Variants in SPTBN5 observed in about 807,000 individuals in gnomAD.
SPTBN5 encodes spectrin beta chain, non-erythrocytic 5.
A neutral mutation model predicts 477.6 loss-of-function variants in SPTBN5; 513 were observed. That is an observed-to-expected ratio of 1.07 (90% CI 1.00 to 1.16). The LOEUF (loss-of-function observed/expected upper bound fraction) is 1.16. Among genes scored for constraint, SPTBN5 ranks in the 50% most tolerant of loss-of-function variants. The probability of loss-of-function intolerance (pLI) is 0.00; values close to 1 mark genes in which losing one functional copy is unlikely to be tolerated. For synonymous variants in SPTBN5, 2,169 were observed against 2,011.7 expected, an observed-to-expected ratio of 1.08 and a Z score of -2.09; for missense variants, 5,062 against 4,731.8, an observed-to-expected ratio of 1.07 and a Z score of -2.05.
In SPTBN5 at chr15:41,893,128, G is replaced by A. The variant is rs776766327; in HGVS notation, c.217-67C>T. 1.5e-5 allele frequency: 23 copies of A among 1,581,426 alleles called. No individual in the cohort carries two copies. The Admixed American group carries it at 4.0e-4, about 28-fold the overall frequency. The stretch of plus-strand genomic sequence containing the variant: ...CACCTGTCCTCCCATCCTGGGACCT[G>A]AGAGGTACGACCCAGAGCAGCTGCT... On this transcript the variant is annotated intron_variant, in intron 2 of 67. Coordinates refer to ENST00000320955, the MANE Select transcript of SPTBN5 (RefSeq NM_016642.4).
intron 7 of SPTBN5, among the ~76,000 whole-genome samples, chr15:41,884,222 G>A (rs564674446): frequency 1.6e-4 from 25 of 151,998 alleles, no homozygotes; most frequent in Admixed American, 9.8e-4. Flanking sequence ...TCTTGACCTC[G>A]TGATCTGCCC....
chr15:41,885,756 C>A lies in SPTBN5; in HGVS notation c.1499G>T (p.Ser500Ile). The change falls in exon 7 of 68, where the codon AGC becomes ATC. Residue 500 changes from serine (S) to isoleucine (I), a missense_variant. Ser to Ile is a moderately radical substitution (Grantham distance 142, BLOSUM62 -2). Transcript: ENST00000320955. ...ADILRQEQYH[S>I]WADVARRQEE... ...TCACCTGCGGGCCACATCTGCCCAG[C>A]TGTGGTACTGCTCCTGCCGGAGGAT... 6.4e-7 allele frequency: 1 copy of A among 1,557,268 alleles called. No individual in the cohort carries two copies.
chr15:41,869,762 G>T, intron 32 of SPTBN5, 79 bp downstream of exon 32: 1 of 1,330,346 alleles, frequency 7.5e-7, no homozygotes, highest in South Asian at 1.8e-5. Context: ...GAGCTGGAGG[G>T]CCTCATGCGT....
rs561189034 is a variant in SPTBN5 at position 41,882,563 on chromosome 15, G to A, written c.2046+22C>T. On this transcript the variant is annotated intron_variant, in intron 10 of 67. Transcript: ENST00000320955. ...AAGGGCAAGGCGCTGGCGACCGGCGGGCGCGCTCGGGGAGCTGACACCTTG... is the reference window on the plus strand; with the variant it reads ...AAGGGCAAGGCGCTGGCGACCGGCGAGCGCGCTCGGGGAGCTGACACCTTG... 55 of 1,587,652 alleles carry A rather than the reference G, an allele frequency of 3.5e-5. No individual in the cohort carries two copies. In the South Asian group the frequency reaches 5.7e-4, roughly 16 times the overall value.
rs2066207683 is a variant in SPTBN5 at position 41,863,898 on chromosome 15, C to T, written c.7034+11G>A. 1 of 1,613,624 alleles carries T rather than the reference C, an allele frequency of 6.2e-7. No individual in the cohort carries two copies. Among genetic ancestry groups the T allele is most frequent in the East Asian group, 2.2e-5 (1 of 44,890 alleles). ...TCCCGGCCCTTTGGTTCTCCCCAGC[C>T]TGGGACTGGCCTGTTGTTGAGCTGG... is the stretch of plus-strand genomic sequence containing the variant. On this transcript the variant is annotated intron_variant, in intron 40 of 67. Coordinates refer to ENST00000320955, the MANE Select transcript of SPTBN5 (RefSeq NM_016642.4).
chr15:41,874,224 G>T, intron 24 of SPTBN5, 68 bp downstream of exon 24: 1 of 1,546,612 alleles, frequency 6.5e-7, no homozygotes, highest in Non-Finnish European at 8.8e-7. Context: ...CACCTGAGTA[G>T]GGGCAGAGGG....
At chr15:41,891,119 TC>T (rs1941575574) in intron 3 of SPTBN5, among the ~76,000 whole-genome samples, 1 of 152,210 alleles carries the variant, frequency 6.6e-6, no homozygotes, top group South Asian at 2.1e-4. Flanking sequence ...GGACTATTTC[TC>T]CCACCCAAAT....
rs150009978 is a variant in SPTBN5 at position 41,860,143 on chromosome 15, G to A, written c.7988+443C>T. On this transcript the variant is annotated intron_variant, in intron 47 of 67. Coordinates refer to ENST00000320955, the MANE Select transcript of SPTBN5 (RefSeq NM_016642.4). ...CCTGTGGGGCCAGCACAGTGCTTTC[G>A]TCCTCATCACAGCCGTTAAAGCCCA... Among the ~76,000 whole-genome samples the A allele has an allele frequency of 3.9e-3, 600 of 152,272 alleles. 4 individuals are homozygous for A. The highest frequency in any genetic ancestry group is 0.013 in the African/African-American group (560 of 41,552).
Position 41,863,993 on chromosome 15 carries a change from A to G in SPTBN5, c.6950T>C (p.Ile2317Thr). 1 of 1,613,580 alleles carries G rather than the reference A, an allele frequency of 6.2e-7. No individual in the cohort carries two copies. Among genetic ancestry groups the G allele is most frequent in the East Asian group, 2.2e-5 (1 of 44,882 alleles). Residue 2317 changes from isoleucine to threonine, a missense_variant, in exon 40 of 68, where the codon ATC (isoleucine) becomes ACC (threonine). Coordinates refer to ENST00000320955, the MANE Select transcript of SPTBN5 (RefSeq NM_016642.4). ...DTVGDACIRS[I>T]SDLSLQLKNR... is the part of the protein sequence containing the mutation. ...CTTGAGCTGCAGTGACAAGTCACTG[A>G]TGCTCCTGATGCAGGCATCACCCAC...
In SPTBN5 at chr15:41,876,645, A is replaced by G; in HGVS notation, c.3854T>C (p.Val1285Ala). ...VQSQHPAAHT[V>A]REQLQSIQAQ... is the part of the protein sequence containing the mutation. Reference sequence around the variant, plus strand: ...CTGGATACTCTGCAGCTGCTCTCTGACCCTGGAGGGCGGGGGGGGGTTGGA... The same window carrying G: ...CTGGATACTCTGCAGCTGCTCTCTGGCCCTGGAGGGCGGGGGGGGGTTGGA... The change falls in exon 20 of 68, where the codon GTC (valine) becomes GCC (alanine). Residue 1285 changes from valine (V) to alanine (A), a missense_variant and splice_region_variant. Val to Ala is a moderately conservative substitution (Grantham distance 64, BLOSUM62 0). Coordinates refer to ENST00000320955, the MANE Select transcript of SPTBN5 (RefSeq NM_016642.4). 1.6e-6 allele frequency: 1 copy of G among 626,992 alleles called. No homozygotes were observed. Among genetic ancestry groups the G allele is most frequent in the South Asian group, 1.5e-5 (1 of 68,714 alleles). The allele number at this position is 626,992 out of a possible 1,614,324, so 38.8% of individuals were successfully genotyped here. A position where few individuals can be genotyped will look rare whatever the true frequency, so the allele number is the denominator to read the frequency against.
intron 3 of SPTBN5, among the ~76,000 whole-genome samples, chr15:41,892,111 C>T (rs1194647385): frequency 4.6e-5 from 7 of 152,198 alleles, no homozygotes; most frequent in African/African-American, 1.4e-4. Context: ...CTTCTCCCCT[C>T]CCTGGCTTTC....
At chr15:41,857,064 AG>A in intron 51 of SPTBN5, 25 bp from the exon 52 acceptor site, 4 of 1,584,950 alleles carry the variant, frequency 2.5e-6, no homozygotes, top group Non-Finnish European at 3.4e-6. Context: ...GGTGGGACCA[AG>A]GGAGGCAGGG....
At position 41,868,437 on chromosome 15, in the gene SPTBN5, C is replaced by G. The variant is rs2290556; in HGVS notation, c.6018G>C (p.Gly2006=). 0.06 allele frequency: 95,991 copies of G among 1,608,480 alleles called. 3,421 individuals are homozygous for G. Among genetic ancestry groups the G allele is most frequent in the South Asian group, 0.13 (11,787 of 90,890 alleles). ...EKLWQQATQL[G]QQALLAAGTP... ...TCCCTGCAGCAAGAAGTGCCTGCTG[C>G]CCCAGCTGGGTGGCCTGCTGCCACA... Residue 2006 remains glycine (G), a synonymous_variant, in exon 33 of 68, where the codon GGG becomes GGC. Transcript: ENST00000320955.
chr15:41,856,664 T>C (rs765771917), intron 52 of SPTBN5, 66 bp from the exon 53 acceptor site: 256 of 1,460,368 alleles, frequency 1.8e-4, no homozygotes, highest in Non-Finnish European at 2.2e-4. Context: ...CAGTTGTGCT[T>C]GAAGTTTCAC....
In SPTBN5 at chr15:41,858,953, C is replaced by A; in HGVS notation, c.8016G>T (p.Gly2672=). 6.3e-7 allele frequency: 1 copy of A among 1,584,274 alleles called. No individual in the cohort carries two copies. The highest frequency in any genetic ancestry group is 1.1e-5 in the South Asian group (1 of 87,650). The change falls in exon 48 of 68, where the codon GGG becomes GGT. Residue 2672 remains glycine (G), a synonymous_variant. Coordinates refer to ENST00000320955, the MANE Select transcript of SPTBN5 (RefSeq NM_016642.4). ...GCTCCTCCAGGCGATGGCGGCGGGT[C>A]CCGGCTTGCCTGAAGAGCGCCTCCT... The part of the protein sequence containing the change: ...LRKEALFRQA[G]TRRHRLEELR...
rs768770607 is a variant in SPTBN5 at position 41,868,550 on chromosome 15, C to T, written c.5905G>A (p.Glu1969Lys). The change falls in exon 33 of 68, where the codon GAG becomes AAG. Residue 1969 changes from glutamate to lysine, a missense_variant. Coordinates refer to ENST00000320955, the MANE Select transcript of SPTBN5 (RefSeq NM_016642.4). ...CTGCTAGGCTCTTGCGAACTCTCCT[C>T]CACCTGCAGGTCCTGGCGCACGCGG... ...AARVRQDLQVEESSQEPSSGP... is the reference protein window; with the variant it reads ...AARVRQDLQVKESSQEPSSGP... 3.1e-6 allele frequency: 5 copies of T among 1,605,116 alleles called. No individual in the cohort carries two copies. Among genetic ancestry groups the T allele is most frequent in the Non-Finnish European group, 4.2e-6 (5 of 1,179,740 alleles).
chr15:41,880,079 T>C, intron 14 of SPTBN5, 81 bp downstream of exon 14: 3 of 1,489,758 alleles, frequency 2.0e-6, no homozygotes, highest in Non-Finnish European at 1.8e-6. Flanking sequence ...GGTAGTTAAA[T>C]TGGAAAACTG....
intron 14 of SPTBN5, 106 bp downstream of exon 14, chr15:41,880,054 T>TC (rs1234013206): frequency 5.5e-6 from 8 of 1,441,712 alleles, no homozygotes; most frequent in Non-Finnish European, 7.4e-6. Flanking sequence ...TCTGCTCCCC[T>TC]CCCCCAGGCA....
intron 67 of SPTBN5, among the ~76,000 whole-genome samples, chr15:41,849,415 C>T (rs955666653): frequency 2.0e-5 from 3 of 152,118 alleles, no homozygotes; most frequent in South Asian, 2.1e-4. Context: ...AGGTAGAGAA[C>T]GGGTTGGAAC....
Sources: gnomAD v4.1 joint callset for allele counts (sites outside exome capture counted in the v4.1 genomes callset) on GRCh38, gnomAD v4.1.1 for gene constraint, MANE v1.5 for transcripts, NCBI Gene and HGNC (gene_info 2026-07-23, HGNC 2026-07-21) for gene names.